Variants in EIF4G3 observed in about 807,000 individuals in gnomAD.
The protein encoded by EIF4G3 is eukaryotic translation initiation factor 4 gamma 3.
In EIF4G3, 34 loss-of-function variants were observed where a neutral mutation model predicts 186.4. The ratio of observed to expected loss-of-function variants is 0.18; its 90% CI spans 0.14 to 0.24. The LOEUF is 0.24. Among genes scored for constraint, EIF4G3 ranks in the 10% least tolerant of loss-of-function variants. The pLI is 1.00. For synonymous variants in EIF4G3, 673 were observed against 679.5 expected, an observed-to-expected ratio of 0.99 and a Z score of 0.15; for missense variants, 1,536 against 1,948.5, an observed-to-expected ratio of 0.79 and a Z score of 3.99.
chr1:20,888,306 T>A (rs1026675642), intron 18 of EIF4G3, among the ~76,000 whole-genome samples: 26 of 152,316 alleles, frequency 1.7e-4, no homozygotes, highest in African/African-American at 6.3e-4. Flanking sequence ...GATAAATTGT[T>A]AGTCCAGGAT....
intron 4 of EIF4G3, among the ~76,000 whole-genome samples, chr1:21,022,669 C>T (rs1433621595): frequency 1.3e-5 from 2 of 152,190 alleles, no homozygotes; most frequent in Non-Finnish European, 2.9e-5. Context: ...ACCCACACAC[C>T]AAGTTCCTGA....
At chr1:21,034,542 T>C (rs1203191470) in intron 4 of EIF4G3, among the ~76,000 whole-genome samples, 3 of 152,224 alleles carry the variant, frequency 2.0e-5, no homozygotes, top group Non-Finnish European at 4.4e-5. Flanking sequence ...TTTATCACTA[T>C]AAAACAGAAT....
intron 2 of EIF4G3, among the ~76,000 whole-genome samples, chr1:21,102,545 T>C (rs2096546704): frequency 6.6e-6 from 1 of 152,224 alleles, no homozygotes; most frequent in Non-Finnish European, 1.5e-5. Flanking sequence ...ATTCTTAAAA[T>C]CATCATTAAT....
intron 2 of EIF4G3, among the ~76,000 whole-genome samples, chr1:21,112,498 A>C (rs1216551637): frequency 6.6e-6 from 1 of 152,178 alleles, no homozygotes; most frequent in African/African-American, 2.4e-5. Flanking sequence ...TTACTTCCTA[A>C]ATTCAATTAA....
intron 28 of EIF4G3, among the ~76,000 whole-genome samples, chr1:20,849,965 T>C (rs1010299163): frequency 6.6e-6 from 1 of 152,152 alleles, no homozygotes; most frequent in Non-Finnish European, 1.5e-5. Flanking sequence ...TGGAGTGCTC[T>C]TTCCCTCTGT....
At chr1:20,976,150 C>T (rs987966664) in intron 10 of EIF4G3, among the ~76,000 whole-genome samples, 1 of 150,270 alleles carries the variant, frequency 6.7e-6, no homozygotes, top group African/African-American at 2.4e-5. Context: ...TTATGTGAAC[C>T]TTGGTTTGTA....
intron 2 of EIF4G3, among the ~76,000 whole-genome samples, chr1:21,116,009 C>A (rs2096814692): frequency 1.3e-5 from 2 of 152,070 alleles, no homozygotes; most frequent in African/African-American, 4.8e-5. Context: ...CAGGTGTGAG[C>A]CACTGTGCCC....
At chr1:21,063,864 C>T (rs2095081291) in intron 3 of EIF4G3, among the ~76,000 whole-genome samples, 1 of 149,060 alleles carries the variant, frequency 6.7e-6, no homozygotes, top group Admixed American at 6.7e-5. Flanking sequence ...CGCATGCCAT[C>T]ACACCCAGCT....
intron 12 of EIF4G3, among the ~76,000 whole-genome samples, chr1:20,961,692 G>A (rs1056497187): frequency 2.0e-5 from 3 of 152,114 alleles, no homozygotes; most frequent in Non-Finnish European, 4.4e-5. Context: ...ATGACGAACA[G>A]AGAATAGGAC....
chr1:21,176,886 G>C lies in EIF4G3; in HGVS notation c.-620C>G. 1 of 692,392 alleles carries C rather than the reference G, an allele frequency of 1.4e-6. No individual in the cohort carries two copies. Among genetic ancestry groups the C allele is most frequent in the Non-Finnish European group, 2.6e-6 (1 of 379,442 alleles). 42.9% of individuals were successfully genotyped at this position (692,392 alleles called of 1,614,324 possible). A position where few individuals can be genotyped will look rare whatever the true frequency, so the allele number is the denominator to read the frequency against. On this transcript the variant is annotated 5_prime_UTR_variant, in exon 1 of 37. Transcript: ENST00000602326. ...GCGCTGTGGCCGCCTCCAGCAGTCC[G>C]GCAGGACGGCTGCTCGGAAAACTTC...
At chr1:20,871,090 A>G (rs1164307105) in intron 20 of EIF4G3, among the ~76,000 whole-genome samples, 2 of 152,220 alleles carry the variant, frequency 1.3e-5, no homozygotes, top group African/African-American at 4.8e-5. Context: ...TTAAGACTTC[A>G]AGAAAAAATT....
intron 2 of EIF4G3, among the ~76,000 whole-genome samples, chr1:21,123,922 T>A (rs772833129): frequency 5.3e-5 from 8 of 152,196 alleles, no homozygotes; most frequent in Non-Finnish European, 1.0e-4. Flanking sequence ...GGGATCAATT[T>A]AGGAGTTGGA....
Position 20,810,953 on chromosome 1 carries a change from CTTTT to C in EIF4G3, c.4598-73_4598-70del. The C allele has an allele frequency of 6.7e-7, 1 of 1,486,742 alleles. No individual in the cohort carries two copies. The highest frequency in any genetic ancestry group is 9.1e-7 in the Non-Finnish European group (1 of 1,099,912). 92.1% of individuals were successfully genotyped at this position (1,486,742 alleles called of 1,614,324 possible). A position where few individuals can be genotyped will look rare whatever the true frequency, so the allele number is the denominator to read the frequency against. ...CATAGAATTATCTTTAATTTTCTTT[CTTTT>C]TTCTTTTTTTGAGACAGAGCCTCAC... On this transcript the variant is annotated intron_variant, in intron 35 of 36. Coordinates refer to ENST00000602326, the MANE Select transcript of EIF4G3 (RefSeq NM_001391906.1). This position sits in a 1 kb window ranked among gnomAD's most constrained non-coding sequence, Gnocchi z 4.1.
intron 3 of EIF4G3, chr1:21,073,544 A>C: frequency 2.5e-6 from 1 of 393,644 alleles, no homozygotes; most frequent in Non-Finnish European, 5.1e-6. Context: ...AATACATTTC[A>C]TGGTTCAGGT....
chr1:21,155,525 T>G (rs2097644304), intron 2 of EIF4G3, among the ~76,000 whole-genome samples: 1 of 151,990 alleles, frequency 6.6e-6, no homozygotes, highest in South Asian at 2.1e-4. Context: ...AGACAGCAAG[T>G]GATTTACATA....
intron 3 of EIF4G3, among the ~76,000 whole-genome samples, chr1:21,063,414 C>T (rs2095036559): frequency 6.6e-6 from 1 of 151,802 alleles, no homozygotes; most frequent in Admixed American, 6.6e-5. Context: ...TTATGGATGC[C>T]AAGAAACTAT....
In EIF4G3 at chr1:20,899,621, C is replaced by T. The variant is rs2089628836; in HGVS notation, c.1999+76G>A. 3.2e-6 allele frequency: 5 copies of T among 1,545,544 alleles called. No individual in the cohort carries two copies. The East Asian group carries it at 1.1e-4, about 35-fold the overall frequency. On this transcript the variant is annotated intron_variant, in intron 16 of 36. Transcript: ENST00000602326. ...CCTCTTTCTTCCATCCAGTATCTCT[C>T]TAAAAAGAGGCAACATTTCTCTAAG... is the stretch of plus-strand genomic sequence containing the variant.
chr1:20,849,329 A>G (rs964894925), intron 29 of EIF4G3, 86 bp downstream of exon 29: 4 of 652,040 alleles, frequency 6.1e-6, no homozygotes, highest in East Asian at 3.1e-5. Context: ...TCAGTTCACA[A>G]TGACACCTGA....
intron 34 of EIF4G3, among the ~76,000 whole-genome samples, chr1:20,814,750 TCCCCCTCC>T (rs1261472439): frequency 2.4e-4 from 5 of 20,500 alleles, no homozygotes; most frequent in African/African-American, 1.1e-3. Context: ...AAAATTCATC[TCCCCCTCC>T]CCCTCCCCCT....
Sources: gnomAD v4.1 joint callset for allele counts (sites outside exome capture counted in the v4.1 genomes callset) on GRCh38, gnomAD v4.1.1 for gene constraint, Gnocchi (gnomAD v3.1) non-coding constraint, MANE v1.5 for transcripts, NCBI Gene and HGNC (gene_info 2026-07-23, HGNC 2026-07-21) for gene names.